Variants in LRBA observed in about 807,000 individuals in gnomAD.
LRBA encodes lipopolysaccharide-responsive and beige-like anchor protein.
A neutral mutation model predicts 330.0 loss-of-function variants in LRBA; 176 were observed. The observed-to-expected ratio is 0.53, with a 90% CI of 0.47 to 0.60. LRBA has a LOEUF of 0.60. LRBA is among the 20% of genes least tolerant of loss of function. The pLI is 0.00. For missense variants in LRBA, 3,259 were observed against 3,444.8 expected (o/e 0.95, Z 1.35); for synonymous variants, 1,230 against 1,193.0 (o/e 1.03, Z -0.64).
intron 35 of LRBA, among the ~76,000 whole-genome samples, chr4:150,758,706 T>C (rs1248214866): frequency 6.6e-6 from 1 of 151,606 alleles, no homozygotes; most frequent in East Asian, 1.9e-4. Flanking sequence ...CCCATGTAGC[T>C]GGGACCACAG....
chr4:150,957,975 G>A lies in LRBA; in HGVS notation c.217-28910C>T, dbSNP rs567175467. 2.5e-4 allele frequency among the ~76,000 whole-genome samples: 37 copies of A among 149,206 alleles called. 1 individual carries two copies. The highest frequency in any genetic ancestry group is 6.0e-4 in the African/African-American group (23 of 38,618). On this transcript the variant is annotated intron_variant, in intron 2 of 56. Coordinates refer to ENST00000651943, the MANE Select transcript of LRBA (RefSeq NM_001364905.1). Reference sequence around the variant, plus strand: ...CAGACCCACTCCTTGCTGCTTTCACGGCTGGCGTTGAGCATCTGCAGCTTT... The same window carrying A: ...CAGACCCACTCCTTGCTGCTTTCACAGCTGGCGTTGAGCATCTGCAGCTTT...
At position 150,837,063 on chromosome 4, in the gene LRBA, A is replaced by G. The variant is rs568240233; in HGVS notation, c.4570-5087T>C. On this transcript the variant is annotated intron_variant, in intron 28 of 56. Coordinates refer to ENST00000651943, the MANE Select transcript of LRBA (RefSeq NM_001364905.1). ...TCATTTTGTTATGTACCCAGTAGTCATTCAGGAGCAGGTTGCTCAGTTTCC... is the reference window on the plus strand; with the variant it reads ...TCATTTTGTTATGTACCCAGTAGTCGTTCAGGAGCAGGTTGCTCAGTTTCC... 1.9e-3 allele frequency among the ~76,000 whole-genome samples: 291 copies of G among 152,316 alleles called. 3 individuals carry two copies. Among genetic ancestry groups the G allele is most frequent in the African/African-American group, 6.7e-3 (279 of 41,574 alleles).
At chr4:150,424,917 C>T (rs1228561754) in intron 46 of LRBA, among the ~76,000 whole-genome samples, 1 of 152,146 alleles carries the variant, frequency 6.6e-6, no homozygotes, top group African/African-American at 2.4e-5. Flanking sequence ...ATGAATAAGT[C>T]GGTGATGAGA....
intron 37 of LRBA, among the ~76,000 whole-genome samples, chr4:150,651,185 T>C (rs1643870258): frequency 6.6e-6 from 1 of 152,100 alleles, no homozygotes; most frequent in African/African-American, 2.4e-5. Flanking sequence ...AATAATAAAA[T>C]ATCAAATTCA....
At chr4:150,346,300 T>C (rs1340499939) in intron 48 of LRBA, among the ~76,000 whole-genome samples, 1 of 151,646 alleles carries the variant, frequency 6.6e-6, no homozygotes, top group Admixed American at 6.6e-5. Flanking sequence ...GTCTATATAA[T>C]GTATAATATA....
At chr4:150,793,378 A>G (rs934848027) in intron 34 of LRBA, among the ~76,000 whole-genome samples, 3 of 152,178 alleles carry the variant, frequency 2.0e-5, no homozygotes, top group African/African-American at 7.2e-5. Context: ...GAACATAACT[A>G]CACTATTTGG....
In LRBA at chr4:150,964,640, T is replaced by A. The variant is rs368573653; in HGVS notation, c.217-35575A>T. 2.1e-4 allele frequency among the ~76,000 whole-genome samples: 31 copies of A among 151,030 alleles called. No individual in the cohort carries two copies. The South Asian group carries it at 6.5e-3, about 32-fold the overall frequency. ...TTGAAGGCAGCATACTCGTTAAGAG[T>A]CATCACCACTCCCTAATCTCAAGTA... On this transcript the variant is annotated intron_variant, in intron 2 of 56. Coordinates refer to ENST00000651943, the MANE Select transcript of LRBA (RefSeq NM_001364905.1).
chr4:150,581,517 T>C, intron 40 of LRBA: 1 of 258,690 alleles, frequency 3.9e-6, no homozygotes, highest in South Asian at 4.3e-5. Flanking sequence ...GTTTGCACCT[T>C]CTACTACACA....
chr4:150,743,863 A>G (rs1732338228), intron 35 of LRBA, among the ~76,000 whole-genome samples: 1 of 152,214 alleles, frequency 6.6e-6, no homozygotes, highest in Non-Finnish European at 1.5e-5. Context: ...AAAAGAAAGG[A>G]AAACAGAAAA....
At chr4:151,011,377 C>T (rs1184877736) in intron 2 of LRBA, among the ~76,000 whole-genome samples, 1 of 152,030 alleles carries the variant, frequency 6.6e-6, no homozygotes, top group Non-Finnish European at 1.5e-5. Context: ...ACGGGTGGAT[C>T]ACCTGAGGTC....
intron 37 of LRBA, among the ~76,000 whole-genome samples, chr4:150,610,967 T>C (rs1009684065): frequency 2.0e-5 from 3 of 152,176 alleles, no homozygotes; most frequent in African/African-American, 7.2e-5. Context: ...TGCTATGTTT[T>C]CAACTTGTAC....
At chr4:150,548,633 T>TAA in intron 40 of LRBA, among the ~76,000 whole-genome samples, 1 of 151,820 alleles carries the variant, frequency 6.6e-6, no homozygotes, top group Non-Finnish European at 1.5e-5. Context: ...AAAACAGATT[T>TAA]AAAAAAAAAT....
chr4:150,662,699 A>C (rs1328842199), intron 37 of LRBA, among the ~76,000 whole-genome samples: 1 of 152,220 alleles, frequency 6.6e-6, no homozygotes, highest in East Asian at 1.9e-4. Flanking sequence ...TGAGGCCAGT[A>C]CCTCAGGCCT....
intron 42 of LRBA, among the ~76,000 whole-genome samples, chr4:150,484,245 G>C (rs1447931385): frequency 2.0e-5 from 3 of 151,924 alleles, no homozygotes; most frequent in African/African-American, 7.2e-5. Flanking sequence ...AGTTTGTGTA[G>C]AAATGGTATT....
rs547551560 is a variant in LRBA, at chr4:150,468,957, T to C, written c.6668-1172A>G. ...TCATAACAATGACATTTTTAATTCATAGATCATTAATGTCACTACATATTT... is the reference window on the plus strand; with the variant it reads ...TCATAACAATGACATTTTTAATTCACAGATCATTAATGTCACTACATATTT... On this transcript the variant is annotated intron_variant, in intron 43 of 56. Transcript: ENST00000651943. 9.9e-5 allele frequency among the ~76,000 whole-genome samples: 15 copies of C among 152,114 alleles called. No homozygotes were observed. The South Asian group carries it at 2.7e-3, about 27-fold the overall frequency.
intron 40 of LRBA, among the ~76,000 whole-genome samples, chr4:150,570,477 T>C (rs1657371410): frequency 6.6e-6 from 1 of 152,096 alleles, no homozygotes; most frequent in Non-Finnish European, 1.5e-5. Context: ...TGAAAAAATA[T>C]GACAAGCATT....
intron 40 of LRBA, among the ~76,000 whole-genome samples, chr4:150,564,458 A>T (rs1268488731): frequency 6.6e-6 from 1 of 152,186 alleles, no homozygotes; most frequent in Non-Finnish European, 1.5e-5. Context: ...AGGCAATACC[A>T]TTCAGGACAC....
At chr4:150,918,744 A>G (rs943989277) in intron 5 of LRBA, among the ~76,000 whole-genome samples, 1 of 152,164 alleles carries the variant, frequency 6.6e-6, no homozygotes, top group African/African-American at 2.4e-5. Context: ...GCAAGACTTC[A>G]TCTCAAAAAC....
At chr4:150,300,200 C>T (rs919296923) in intron 53 of LRBA, among the ~76,000 whole-genome samples, 8 of 152,030 alleles carry the variant, frequency 5.3e-5, no homozygotes, top group Non-Finnish European at 1.2e-4. Context: ...CTGGATTCAT[C>T]TTTCAAAGCT....
Sources: gnomAD v4.1 joint callset for allele counts (sites outside exome capture counted in the v4.1 genomes callset) on GRCh38, gnomAD v4.1.1 for gene constraint, MANE v1.5 for transcripts, NCBI Gene and HGNC (gene_info 2026-07-23, HGNC 2026-07-21) for gene names.